The following SYDE2 variants were observed in gnomAD, a reference collection of about 807,000 sequenced individuals.
SYDE2 encodes the protein synapse defective Rho GTPase homolog 2.
Under a neutral mutation model 91.5 loss-of-function variants are expected in SYDE2, and 76 were observed. That is an observed-to-expected ratio of 0.83 (90% CI 0.69 to 1.01). The LOEUF (loss-of-function observed/expected upper bound fraction) is 1.01. SYDE2 is among the 50% of genes least tolerant of loss of function. The pLI is 0.00. For synonymous variants in SYDE2, 513 were observed against 506.4 expected (o/e 1.01, Z -0.18); for missense variants, 1,364 against 1,367.7 (o/e 1.00, Z 0.04).
intron 4 of SYDE2, among the ~76,000 whole-genome samples, chr1:85,177,017 C>A (rs769593057): frequency 2.0e-5 from 3 of 152,142 alleles, no homozygotes; most frequent in Non-Finnish European, 4.4e-5. Context: ...TTTCTTTTCT[C>A]ATATAATCTC....
chr1:85,164,040 G>A (rs1657173340), intron 6 of SYDE2, among the ~76,000 whole-genome samples: 1 of 152,122 alleles, frequency 6.6e-6, no homozygotes, highest in African/African-American at 2.4e-5. Context: ...ATTGATTTAA[G>A]GGGAAAAATG....
chr1:85,194,912 G>A (rs976064188), intron 1 of SYDE2: 1 of 800,160 alleles, frequency 1.2e-6, no homozygotes, highest in East Asian at 1.3e-4. Flanking sequence ...TGTAATCCCA[G>A]CACTTTGGGA....
Position 85,190,759 on chromosome 1 carries a change from C to T in SYDE2, c.746-7G>A, listed in dbSNP as rs1188400554. 5 of 1,582,424 alleles carry T rather than the reference C, an allele frequency of 3.2e-6. No individual in the cohort carries two copies. Among genetic ancestry groups the T allele is most frequent in the Non-Finnish European group, 4.3e-6 (5 of 1,165,238 alleles). On this transcript the variant is annotated splice_polypyrimidine_tract_variant and splice_region_variant and intron_variant, in intron 1 of 6. Coordinates refer to ENST00000341460, the MANE Select transcript of SYDE2 (RefSeq NM_032184.2). ...TAGGCATTTTCAAATAAATCTGTTGCAAAGATAGAATAGAAGGTAGAATAT... is the reference window on the plus strand; with the variant it reads ...TAGGCATTTTCAAATAAATCTGTTGTAAAGATAGAATAGAAGGTAGAATAT...
rs1656902429 is a variant in SYDE2 at position 85,157,210 on chromosome 1, T to C, written c.*1540A>G. 1 of 152,104 alleles carries C rather than the reference T, an allele frequency of 6.6e-6. No homozygotes were observed. Among genetic ancestry groups the C allele is most frequent in the African/African-American group, 2.4e-5 (1 of 41,460 alleles). 9.4% of individuals were successfully genotyped at this position (152,104 alleles called of 1,614,324 possible). ...GAAGCCAGTTTTTCAATGGCTGCCA[T>C]GTCTTAAAAGTTGGTAACTTAAAGT... On this transcript the variant is annotated 3_prime_UTR_variant, in exon 7 of 7. Coordinates refer to ENST00000341460, the MANE Select transcript of SYDE2 (RefSeq NM_032184.2).
chr1:85,186,379 T>G (rs1025640164), intron 2 of SYDE2, among the ~76,000 whole-genome samples: 1 of 152,178 alleles, frequency 6.6e-6, no homozygotes, highest in African/African-American at 2.4e-5. Context: ...TGGTACCAGT[T>G]CCTCCTTGTA....
At position 85,192,340 on chromosome 1, in the gene SYDE2, T is replaced by A. The variant is rs576837790; in HGVS notation, c.746-1588A>T. 2.0e-5 allele frequency among the ~76,000 whole-genome samples: 3 copies of A among 152,186 alleles called. No homozygotes were observed. In the South Asian group the frequency reaches 6.2e-4, roughly 32 times the overall value. On this transcript the variant is annotated intron_variant, in intron 1 of 6. Coordinates refer to ENST00000341460, the MANE Select transcript of SYDE2 (RefSeq NM_032184.2). ...GGAAGATTGCCTGAGCCCAGGAATG[T>A]GAGGCTGCAGTGAGCTATGATTGTG...
intron 2 of SYDE2, 56 bp from the exon 3 acceptor site, chr1:85,183,256 T>A (rs1171510176): frequency 1.4e-5 from 20 of 1,450,912 alleles, no homozygotes; most frequent in Non-Finnish European, 1.7e-5. Context: ...ATTTCTTTTA[T>A]TCTTATTTTA....
chr1:85,172,702 G>T lies in SYDE2; in HGVS notation c.2672-3477C>A, dbSNP rs549474855. Among the ~76,000 whole-genome samples the T allele has an allele frequency of 1.1e-4, 17 of 152,250 alleles. 1 individual carries two copies. Among genetic ancestry groups the T allele is most frequent in the African/African-American group, 4.1e-4 (17 of 41,532 alleles). ...ATTGCCTGGAGAGACTTTGCAGGTCGCAGTAAGGAAATGAAAACCCAGGTA... is the reference window on the plus strand; with the variant it reads ...ATTGCCTGGAGAGACTTTGCAGGTCTCAGTAAGGAAATGAAAACCCAGGTA... On this transcript the variant is annotated intron_variant, in intron 4 of 6. Coordinates refer to ENST00000341460, the MANE Select transcript of SYDE2 (RefSeq NM_032184.2).
At chr1:85,198,605 A>G (rs1380510621) in intron 1 of SYDE2, among the ~76,000 whole-genome samples, 1 of 152,236 alleles carries the variant, frequency 6.6e-6, no homozygotes, top group Non-Finnish European at 1.5e-5. Context: ...TCATTTAATT[A>G]GTTGCTTAAT....
At position 85,200,688 on chromosome 1, in the gene SYDE2, C is replaced by CGGCCACCGCTG; in HGVS notation, c.298_308dup (p.Asp105GlyfsTer66). 1 of 1,537,162 alleles carries CGGCCACCGCTG rather than the reference C, an allele frequency of 6.5e-7. No individual in the cohort carries two copies. Among genetic ancestry groups the CGGCCACCGCTG allele is most frequent in the Non-Finnish European group, 8.7e-7 (1 of 1,146,936 alleles). Reference sequence around the variant, plus strand: ...CGCCGCACCTGATCCAGCTGTCGCTCGGCCACCGCTGGAAGGGAGGCGGCT... The same window carrying CGGCCACCGCTG: ...CGCCGCACCTGATCCAGCTGTCGCTCGGCCACCGCTGGGCCACCGCTGGAAGGGAGGCGGCT... On this transcript the variant is annotated frameshift_variant, in exon 1 of 7. Coordinates refer to ENST00000341460, the MANE Select transcript of SYDE2 (RefSeq NM_032184.2). LOFTEE classifies it high-confidence loss of function.
In SYDE2 at chr1:85,182,683, A is replaced by G. The variant is rs1657978913; in HGVS notation, c.1959T>C (p.Cys653=). Residue 653 remains cysteine, a synonymous_variant, in exon 3 of 7, where the codon TGT becomes TGC. Coordinates refer to ENST00000341460, the MANE Select transcript of SYDE2 (RefSeq NM_032184.2). ...CATCAATGTCTATTTCATTCTTGCT[A>G]CAACTATTTGAAATTATTTCTTTTC... ...GKGKEIISNS[C]SKNEIDIDAF... is the part of the protein sequence containing the mutation. 3.7e-6 allele frequency: 6 copies of G among 1,613,804 alleles called. No homozygotes were observed. The highest frequency in any genetic ancestry group is 5.1e-6 in the Non-Finnish European group (6 of 1,179,836).
At chr1:85,179,714 ACAGGAT>A (rs1570252483) in intron 3 of SYDE2, among the ~76,000 whole-genome samples, 1 of 152,158 alleles carries the variant, frequency 6.6e-6, no homozygotes, top group East Asian at 1.9e-4. Context: ...AAAATATTAA[ACAGGAT>A]CAAAGGAAAT....
rs1294415699 is a variant in SYDE2, at chr1:85,182,701, T to G, written c.1941A>C (p.Glu647Asp). 3 of 1,613,636 alleles carry G rather than the reference T, an allele frequency of 1.9e-6. No homozygotes were observed. Among genetic ancestry groups the G allele is most frequent in the Non-Finnish European group, 2.5e-6 (3 of 1,179,828 alleles). Residue 647 changes from glutamate (E) to aspartate (D), a missense_variant, in exon 3 of 7, where the codon GAA becomes GAC. Transcript: ENST00000341460. ...TCTTGCTACAACTATTTGAAATTAT[T>G]TCTTTTCCTTTTCCAAATTTGTTTT... ...GSENKFGKGK[E>D]IISNSCSKNE...
chr1:85,190,278 A>G lies in SYDE2; in HGVS notation c.1220T>C (p.Leu407Ser), dbSNP rs370204096. ...TGCTTTCATCAGGTCACTGCCAGAC[A>G]ACATGCTCAAATTGACAGCAGGGAG... is the stretch of plus-strand genomic sequence containing the variant. ...LKLPAVNLSM[L>S]SGSDLMKAER... is the part of the protein sequence containing the mutation. Residue 407 changes from leucine to serine, a missense_variant, in exon 2 of 7, where the codon TTG (leucine) becomes TCG (serine). Coordinates refer to ENST00000341460, the MANE Select transcript of SYDE2 (RefSeq NM_032184.2). The G allele has an allele frequency of 5.9e-5, 96 of 1,613,840 alleles. No homozygotes were observed. The highest frequency in any genetic ancestry group is 3.3e-4 in the Middle Eastern group (2 of 6,084).
Position 85,190,639 on chromosome 1 carries a change from T to C in SYDE2, c.859A>G (p.Lys287Glu). The change falls in exon 2 of 7, where the codon AAA (lysine) becomes GAA (glutamate). Residue 287 changes from lysine (K) to glutamate (E), a missense_variant. Coordinates refer to ENST00000341460, the MANE Select transcript of SYDE2 (RefSeq NM_032184.2). ...GTACTCTGATATAGCCAATTGCGTTTCTTTGAAACAGTGATGCTGTTAAGT... is the reference window on the plus strand; with the variant it reads ...GTACTCTGATATAGCCAATTGCGTTCCTTTGAAACAGTGATGCTGTTAAGT... ...KPLNSITVSK[K>E]RNWLYQSTLR... 6.2e-7 allele frequency: 1 copy of C among 1,613,966 alleles called. No homozygotes were observed. Among genetic ancestry groups the C allele is most frequent in the Non-Finnish European group, 8.5e-7 (1 of 1,179,880 alleles).
intron 2 of SYDE2, among the ~76,000 whole-genome samples, chr1:85,187,191 A>C (rs1369978139): frequency 6.6e-6 from 1 of 152,154 alleles, no homozygotes; most frequent in Non-Finnish European, 1.5e-5. Flanking sequence ...CAACCCCACC[A>C]AAAAGTGGGC....
intron 2 of SYDE2, among the ~76,000 whole-genome samples, chr1:85,185,576 G>A (rs575998614): frequency 6.6e-6 from 1 of 152,160 alleles, no homozygotes; most frequent in African/African-American, 2.4e-5. Context: ...ATTGTGAATG[G>A]GAGTTCACTC....
intron 6 of SYDE2, chr1:85,161,201 C>G (rs1271906700): frequency 2.9e-6 from 2 of 685,618 alleles, no homozygotes; most frequent in Admixed American, 1.3e-4. Flanking sequence ...TTAATTTTTC[C>G]TTATCTTGTT....
Position 85,169,123 on chromosome 1 carries a change from G to A in SYDE2, c.2774C>T (p.Ser925Leu). 4 of 1,613,850 alleles carry A rather than the reference G, an allele frequency of 2.5e-6. No individual in the cohort carries two copies. The highest frequency in any genetic ancestry group is 1.7e-5 in the Admixed American group (1 of 60,020). ...DAMAKSPLKM[S>L]SNGCENDPGD... Reference sequence around the variant, plus strand: ...TGGGTCATTCTCACAACCATTTGATGACATTTTCAAAGGACTTTTTGCCAT... The same window carrying A: ...TGGGTCATTCTCACAACCATTTGATAACATTTTCAAAGGACTTTTTGCCAT... The change falls in exon 5 of 7, where the codon TCA (serine) becomes TTA (leucine). Residue 925 changes from serine to leucine, a missense_variant. By Grantham distance (145) the Ser-to-Leu change is moderately radical. Coordinates refer to ENST00000341460, the MANE Select transcript of SYDE2 (RefSeq NM_032184.2).
Sources: allele counts gnomAD v4.1 joint callset (sites outside exome capture counted in the v4.1 genomes callset), GRCh38; gene constraint gnomAD v4.1.1; transcripts MANE v1.5; gene names NCBI Gene and HGNC (gene_info 2026-07-23, HGNC 2026-07-21).